Variants in CCDC39 observed in about 807,000 individuals in gnomAD.
The protein encoded by CCDC39 is coiled-coil domain 39 molecular ruler complex subunit.
CCDC39 carries 113 observed loss-of-function variants against 121.0 expected under a neutral mutation model. The ratio of observed to expected loss-of-function variants is 0.93; its 90% CI spans 0.80 to 1.09. The LOEUF (loss-of-function observed/expected upper bound fraction) is 1.09, where lower values mean the gene tolerates loss of function less well. Among genes scored for constraint, CCDC39 ranks in the 50% least tolerant of loss-of-function variants. CCDC39 has a pLI of 0.00. For synonymous variants in CCDC39, 349 were observed against 352.2 expected, an observed-to-expected ratio of 0.99 and a Z score of 0.10; for missense variants, 1,063 against 1,074.7, an observed-to-expected ratio of 0.99 and a Z score of 0.15.
chr3:180,670,535 T>C (rs1312452595), intron 1 of CCDC39, among the ~76,000 whole-genome samples: 1 of 152,116 alleles, frequency 6.6e-6, no homozygotes, highest in Non-Finnish European at 1.5e-5. Flanking sequence ...TCCACACTTT[T>C]ACTAGTGGAA....
chr3:180,620,831 G>A (rs1717413651), intron 14 of CCDC39, among the ~76,000 whole-genome samples: 1 of 152,000 alleles, frequency 6.6e-6, no homozygotes, highest in Non-Finnish European at 1.5e-5. Context: ...GGTATATTGT[G>A]TAGTGGTGAC....
At chr3:180,654,645 GAAA>G in intron 7 of CCDC39, 114 bp downstream of exon 7, 1 of 448,750 alleles carries the variant, frequency 2.2e-6, no homozygotes, top group Non-Finnish European at 3.5e-6. Context: ...AAAGAAAAAG[GAAA>G]AAAAAAAAAA....
intron 9 of CCDC39, among the ~76,000 whole-genome samples, chr3:180,650,627 AGG>A (rs1718178150): frequency 1.3e-5 from 2 of 151,284 alleles, no homozygotes; most frequent in Admixed American, 6.6e-5. Context: ...GAAGCGGAGG[AGG>A]GTAGATCACT....
At position 180,674,489 on chromosome 3, in the gene CCDC39, G is replaced by T. The variant is rs575936725; in HGVS notation, c.90+4802C>A. Among the ~76,000 whole-genome samples the T allele has an allele frequency of 2.1e-3, 325 of 152,186 alleles. 1 individual carries two copies. Among genetic ancestry groups the T allele is most frequent in the Non-Finnish European group, 3.8e-3 (260 of 68,010 alleles). Reference sequence around the variant, plus strand: ...CTTTATTTCTTTATCCTGCCTGATTGCCTTGGCCAGAACTTCCAACACTAT... The same window carrying T: ...CTTTATTTCTTTATCCTGCCTGATTTCCTTGGCCAGAACTTCCAACACTAT... On this transcript the variant is annotated intron_variant, in intron 1 of 19. Coordinates refer to ENST00000476379, the MANE Select transcript of CCDC39 (RefSeq NM_181426.2).
At chr3:180,675,092 T>C (rs921320452) in intron 1 of CCDC39, among the ~76,000 whole-genome samples, 4 of 152,200 alleles carry the variant, frequency 2.6e-5, no homozygotes, top group Non-Finnish European at 4.4e-5. Context: ...AAAATTTGGC[T>C]GTGAATACAT....
At chr3:180,627,970 T>A (rs1576935632) in intron 14 of CCDC39, among the ~76,000 whole-genome samples, 1 of 152,280 alleles carries the variant, frequency 6.6e-6, no homozygotes, top group South Asian at 2.1e-4. Context: ...GGTATCCTTA[T>A]TAAAATGGGA....
chr3:180,623,078 T>A (rs1478663622), intron 14 of CCDC39, among the ~76,000 whole-genome samples: 13 of 144,978 alleles, frequency 9.0e-5, no homozygotes, highest in Admixed American at 3.5e-4. Context: ...TTTGGAGATT[T>A]TTATTATTAT....
intron 13 of CCDC39, among the ~76,000 whole-genome samples, chr3:180,633,496 A>G (rs951540167): frequency 2.0e-5 from 3 of 152,190 alleles, no homozygotes; most frequent in South Asian, 2.1e-4. Flanking sequence ...TTCTTCTTCA[A>G]TGTAAGAGCA....
At position 180,615,009 on chromosome 3, in the gene CCDC39, G is replaced by T; in HGVS notation, c.2738C>A (p.Ala913Asp). The change falls in exon 20 of 20, where the codon GCC (alanine) becomes GAC (aspartate). Residue 913 changes from alanine to aspartate, a missense_variant. Ala to Asp is a moderately radical substitution (Grantham distance 126). Coordinates refer to ENST00000476379, the MANE Select transcript of CCDC39 (RefSeq NM_181426.2). ...SIKVLELKFP[A>D]SSSLVGSPSR... Reference sequence around the variant, plus strand: ...AGGGCTGCCTACTAGTGAAGAGGAGGCCGGGAATTTAAGCTCCAGTACTTT... The same window carrying T: ...AGGGCTGCCTACTAGTGAAGAGGAGTCCGGGAATTTAAGCTCCAGTACTTT... 1 of 1,561,172 alleles carries T rather than the reference G, an allele frequency of 6.4e-7. No individual in the cohort carries two copies. Among genetic ancestry groups the T allele is most frequent in the Non-Finnish European group, 8.7e-7 (1 of 1,151,020 alleles).
rs1560092712 is a variant in CCDC39 at position 180,661,868 on chromosome 3, T to C, written c.350A>G (p.Asp117Gly). The change falls in exon 3 of 20, where the codon GAT (aspartate) becomes GGT (glycine). Residue 117 changes from aspartate (D) to glycine (G), a missense_variant. Physicochemically the swap from Asp to Gly is moderately conservative, Grantham distance 94. Transcript: ENST00000476379. The part of the protein sequence containing the change: ...EMASILEKKS[D>G]KENGIFKATQ... ...TAATATTTCAACATATACTTCTTTATCACTTTTCTTTTCCAGTATTGAAGC... is the reference window on the plus strand; with the variant it reads ...TAATATTTCAACATATACTTCTTTACCACTTTTCTTTTCCAGTATTGAAGC... The C allele has an allele frequency of 6.3e-7, 1 of 1,581,504 alleles. No individual in the cohort carries two copies. The highest frequency in any genetic ancestry group is 1.7e-4 in the Middle Eastern group (1 of 6,016).
At chr3:180,648,867 T>G (rs1337523222) in intron 9 of CCDC39, among the ~76,000 whole-genome samples, 1 of 152,172 alleles carries the variant, frequency 6.6e-6, no homozygotes. Context: ...ACTCCCATTA[T>G]GGCCAATTTC....
chr3:180,665,642 A>G (rs1484795205), intron 1 of CCDC39, among the ~76,000 whole-genome samples: 1 of 151,936 alleles, frequency 6.6e-6, no homozygotes, highest in Non-Finnish European at 1.5e-5. Flanking sequence ...TTGAATTAAA[A>G]AGGCATTTAA....
intron 1 of CCDC39, among the ~76,000 whole-genome samples, chr3:180,671,453 A>G (rs1324398553): frequency 3.3e-5 from 5 of 152,148 alleles, no homozygotes; most frequent in Non-Finnish European, 5.9e-5. Flanking sequence ...CACTTCAATA[A>G]AAGTTGCTGT....
intron 1 of CCDC39, among the ~76,000 whole-genome samples, chr3:180,675,930 C>T (rs1229895152): frequency 2.0e-5 from 3 of 152,090 alleles, no homozygotes; most frequent in Non-Finnish European, 4.4e-5. Flanking sequence ...CTGGGAAAAC[C>T]TGCTAGCCAT....
chr3:180,667,010 G>A (rs1208691562), intron 1 of CCDC39, among the ~76,000 whole-genome samples: 1 of 151,330 alleles, frequency 6.6e-6, no homozygotes, highest in Non-Finnish European at 1.5e-5. Context: ...AACATGCAAT[G>A]GAAAGATAAA....
intron 9 of CCDC39, among the ~76,000 whole-genome samples, chr3:180,649,976 T>G (rs1186419979): frequency 6.6e-6 from 1 of 152,184 alleles, no homozygotes; most frequent in Non-Finnish European, 1.5e-5. Context: ...TTTTATGACT[T>G]AGAAATTTTA....
chr3:180,651,126 C>T (rs1213626400), intron 9 of CCDC39, among the ~76,000 whole-genome samples: 6 of 151,718 alleles, frequency 4.0e-5, no homozygotes, highest in Non-Finnish European at 7.4e-5. Flanking sequence ...ACTTGGGAGG[C>T]GGAGGTTGCA....
chr3:180,654,734 C>CA, intron 7 of CCDC39, 28 bp downstream of exon 7: 1 of 1,528,192 alleles, frequency 6.5e-7, no homozygotes, highest in Non-Finnish European at 9.0e-7. Context: ...CGTGAACATA[C>CA]AAGCCAGTCT....
At chr3:180,676,365 A>G (rs1420866623) in intron 1 of CCDC39, among the ~76,000 whole-genome samples, 2 of 152,232 alleles carry the variant, frequency 1.3e-5, no homozygotes, top group East Asian at 3.9e-4. Context: ...AAAAGAAGAC[A>G]TTTATGCAGC....
Sources: allele counts gnomAD v4.1 joint callset (sites outside exome capture counted in the v4.1 genomes callset), GRCh38; gene constraint gnomAD v4.1.1; transcripts MANE v1.5; gene names NCBI Gene and HGNC (gene_info 2026-07-23, HGNC 2026-07-21).